Variants in ANKS1B observed in about 807,000 individuals in gnomAD.
ANKS1B encodes the protein ankyrin repeat and sterile alpha motif domain containing 1B.
Under a neutral mutation model 148.3 loss-of-function variants are expected in ANKS1B, and 36 were observed. That is an observed-to-expected ratio of 0.24 (90% CI 0.19 to 0.32). The LOEUF is 0.32. ANKS1B is among the 10% of genes least tolerant of loss of function. ANKS1B has a pLI of 1.00. For missense variants in ANKS1B, 1,157 were observed against 1,542.6 expected (o/e 0.75, Z 4.19); for synonymous variants, 542 against 560.8 (o/e 0.97, Z 0.47).
rs2091697212 is a variant in ANKS1B, at chr12:99,353,787, A to G, written c.1756+45844T>C. 2.5e-5 allele frequency among the ~76,000 whole-genome samples: 3 copies of G among 119,124 alleles called. No individual in the cohort carries two copies. The South Asian group carries it at 7.2e-4, about 29-fold the overall frequency. The allele number at this position is 119,124 out of a possible 152,430, so 78.1% of individuals were successfully genotyped here. ...TCTAGCTTCTAGGGCCAGGTCCCTT[A>G]GAGGAACTGGGAAAGGATGGAATTT... On this transcript the variant is annotated intron_variant, in intron 12 of 26. Coordinates refer to ENST00000683438, the MANE Select transcript of ANKS1B (RefSeq NM_001352186.2).
Position 99,050,690 on chromosome 12 carries a change from CT to C in ANKS1B, c.2778+2466del, listed in dbSNP as rs62812561. Among the ~76,000 whole-genome samples, 240 of 113,550 alleles carry C rather than the reference CT, an allele frequency of 2.1e-3. 1 individual carries two copies. Among genetic ancestry groups the C allele is most frequent in the African/African-American group, 6.9e-3 (206 of 29,646 alleles). The allele number at this position is 113,550 out of a possible 152,430, so 74.5% of individuals were successfully genotyped here. ...AGACCAGTTTTCTTTTTTTCTTTTT[CT>C]TTTTTTTTTTTTTTTTTTGAGACAG... is the stretch of plus-strand genomic sequence containing the variant. On this transcript the variant is annotated intron_variant, in intron 17 of 26. Coordinates refer to ENST00000683438, the MANE Select transcript of ANKS1B (RefSeq NM_001352186.2).
In ANKS1B at chr12:98,831,792, A is replaced by T. The variant is rs1017757469; in HGVS notation, c.2886+237T>A. 3 of 510,124 alleles carry T rather than the reference A, an allele frequency of 5.9e-6. No homozygotes were observed. In the East Asian group the frequency reaches 1.0e-4, roughly 17 times the overall value. 31.6% of individuals were successfully genotyped at this position (510,124 alleles called of 1,614,324 possible). Reference sequence around the variant, plus strand: ...CTTTTATTTTCTTACTCTGTTGCCCAGGCTGGAGTGCAGTGGTGCGATCTC... The same window carrying T: ...CTTTTATTTTCTTACTCTGTTGCCCTGGCTGGAGTGCAGTGGTGCGATCTC... On this transcript the variant is annotated intron_variant, in intron 18 of 26. Coordinates refer to ENST00000683438, the MANE Select transcript of ANKS1B (RefSeq NM_001352186.2).
At chr12:99,229,867 C>T (rs1166523392) in intron 14 of ANKS1B, among the ~76,000 whole-genome samples, 1 of 151,928 alleles carries the variant, frequency 6.6e-6, no homozygotes, top group Admixed American at 6.6e-5. Context: ...TGGTTTCTAG[C>T]TTTATTGTGA....
At chr12:99,011,556 T>C (rs552969191) in intron 17 of ANKS1B, among the ~76,000 whole-genome samples, 4 of 152,350 alleles carry the variant, frequency 2.6e-5, no homozygotes, top group Non-Finnish European at 5.9e-5. Context: ...TTTCTTTCTC[T>C]TGAAATAATT....
intron 12 of ANKS1B, among the ~76,000 whole-genome samples, chr12:99,383,929 C>G (rs2093753192): frequency 6.6e-6 from 1 of 151,362 alleles, no homozygotes; most frequent in African/African-American, 2.4e-5. Flanking sequence ...ACTCAAGAGG[C>G]TGAAGCTGGG....
chr12:99,837,177 T>C (rs562035560), intron 1 of ANKS1B, among the ~76,000 whole-genome samples: 2 of 152,240 alleles, frequency 1.3e-5, no homozygotes, highest in Admixed American at 6.5e-5. Flanking sequence ...AAGAGGGTCA[T>C]GAACCTAGAA....
intron 12 of ANKS1B, among the ~76,000 whole-genome samples, chr12:99,258,973 A>G (rs1369265473): frequency 1.3e-5 from 2 of 152,198 alleles, no homozygotes; most frequent in African/African-American, 2.4e-5. Flanking sequence ...AGGTCATTCT[A>G]TCTCATTTAA....
intron 12 of ANKS1B, among the ~76,000 whole-genome samples, chr12:99,386,949 T>C (rs996328059): frequency 1.3e-5 from 2 of 152,226 alleles, no homozygotes; most frequent in African/African-American, 2.4e-5. Flanking sequence ...GCAAATATTC[T>C]TTCAGTGATT....
intron 14 of ANKS1B, among the ~76,000 whole-genome samples, chr12:99,236,346 T>C (rs1358482979): frequency 6.6e-6 from 1 of 152,126 alleles, no homozygotes; most frequent in African/African-American, 2.4e-5. Flanking sequence ...AGAAAAGAGG[T>C]TTAACTGACT....
At chr12:99,542,458 A>G (rs1277235066) in intron 9 of ANKS1B, among the ~76,000 whole-genome samples, 1 of 152,152 alleles carries the variant, frequency 6.6e-6, no homozygotes, top group Non-Finnish European at 1.5e-5. Flanking sequence ...AGAAGACACA[A>G]TATTTTTTAA....
At chr12:99,531,372 C>T (rs11109900) in intron 9 of ANKS1B, among the ~76,000 whole-genome samples, 81 of 152,232 alleles carry the variant, frequency 5.3e-4, no homozygotes, top group African/African-American at 1.7e-3. Flanking sequence ...AACTCTCCCC[C>T]CTTCTGAGTC....
intron 12 of ANKS1B, among the ~76,000 whole-genome samples, chr12:99,354,560 T>C (rs2091786839): frequency 6.6e-6 from 1 of 152,082 alleles, no homozygotes; most frequent in Non-Finnish European, 1.5e-5. Context: ...CATTTATCTA[T>C]TATTTGGATG....
intron 17 of ANKS1B, among the ~76,000 whole-genome samples, chr12:99,014,278 T>TTCCC (rs1479141550): frequency 7.2e-5 from 11 of 152,150 alleles, no homozygotes; most frequent in African/African-American, 2.7e-4. Flanking sequence ...GGGGAAAGGA[T>TTCCC]TCCCTATTCA....
At chr12:99,638,050 C>T (rs901245463) in intron 9 of ANKS1B, among the ~76,000 whole-genome samples, 2 of 151,902 alleles carry the variant, frequency 1.3e-5, no homozygotes, top group Non-Finnish European at 2.9e-5. Flanking sequence ...GGGTATTTTT[C>T]CCCCTTTGCT....
intron 15 of ANKS1B, among the ~76,000 whole-genome samples, chr12:99,137,473 T>C (rs2068530377): frequency 6.6e-6 from 1 of 152,006 alleles, no homozygotes; most frequent in South Asian, 2.1e-4. Flanking sequence ...GGGCTGAGGG[T>C]GTGGAGGGGA....
intron 26 of ANKS1B, among the ~76,000 whole-genome samples, chr12:98,748,687 G>T (rs1242874697): frequency 6.6e-6 from 1 of 152,198 alleles, no homozygotes; most frequent in Non-Finnish European, 1.5e-5. Context: ...GAATACTAAT[G>T]CCTGTCGAGG....
intron 14 of ANKS1B, among the ~76,000 whole-genome samples, chr12:99,226,025 C>CAAAA (rs2085882334): frequency 6.6e-6 from 1 of 151,796 alleles, no homozygotes; most frequent in East Asian, 1.9e-4. Flanking sequence ...ACTACCGTTT[C>CAAAA]AATGGATTTT....
chr12:99,182,527 T>C (rs1426228576), intron 14 of ANKS1B, among the ~76,000 whole-genome samples: 1 of 152,220 alleles, frequency 6.6e-6, no homozygotes, highest in Non-Finnish European at 1.5e-5. Flanking sequence ...AGTACTCCAT[T>C]GTGTATATGT....
intron 12 of ANKS1B, among the ~76,000 whole-genome samples, chr12:99,321,432 C>T (rs1034068757): frequency 2.6e-5 from 4 of 152,304 alleles, no homozygotes; most frequent in South Asian, 2.1e-4. Context: ...GCCTCGCTGC[C>T]GCCTTGCAGT....
Sources: gnomAD v4.1 joint callset for allele counts (sites outside exome capture counted in the v4.1 genomes callset) on GRCh38, gnomAD v4.1.1 for gene constraint, MANE v1.5 for transcripts, NCBI Gene and HGNC (gene_info 2026-07-23, HGNC 2026-07-21) for gene names.